The following PUDP variants were observed in gnomAD, a reference collection of about 807,000 sequenced individuals.
PUDP encodes the protein pseudouridine-5'-phosphatase.
In PUDP, 8 loss-of-function variants were observed where a neutral mutation model predicts 9.4. That is an observed-to-expected ratio of 0.85 (90% CI 0.50 to 1.53). PUDP has a LOEUF of 1.53. PUDP is among the 40% of genes most tolerant of loss of function. The probability of loss-of-function intolerance (pLI) is 0.00; values close to 1 mark genes in which losing one functional copy is unlikely to be tolerated. For synonymous variants in PUDP, 99 were observed against 80.7 expected, an observed-to-expected ratio of 1.23 and a Z score of -1.22; for missense variants, 188 against 189.7, an observed-to-expected ratio of 0.99 and a Z score of 0.05.
At chrX:6,751,710 T>C (rs1195013884) in intron 3 of PUDP, among the ~76,000 whole-genome samples, 1 of 111,484 alleles carries the variant, frequency 9.0e-6, no homozygotes, top group East Asian at 2.8e-4. Flanking sequence ...TAGGTAAATA[T>C]TTCTCCTCAC....
At chrX:6,916,246 A>ACACACACACC (rs1555916573) in intron 3 of PUDP, among the ~76,000 whole-genome samples, 9 of 71,580 alleles carry the variant, frequency 1.3e-4, no homozygotes, top group African/African-American at 6.0e-4. Flanking sequence ...ACACACACAC[A>ACACACACACC]CACCCTGGGG....
At chrX:7,021,275 G>A (rs1431602236) in intron 1 of PUDP, among the ~76,000 whole-genome samples, 2 of 112,126 alleles carry the variant, frequency 1.8e-5, no homozygotes, top group Admixed American at 9.4e-5. Flanking sequence ...CAAACTGATA[G>A]GGAAGAAAAA....
intron 3 of PUDP, among the ~76,000 whole-genome samples, chrX:6,810,215 G>A (rs1180051332): frequency 9.0e-6 from 1 of 111,629 alleles, no homozygotes; most frequent in African/African-American, 3.3e-5. Flanking sequence ...ACAAGATTTC[G>A]TTGATAGTAG....
chrX:7,117,158 A>G lies in PUDP; in HGVS notation c.62-11320T>C, dbSNP rs891594554. 90 of 985,257 alleles carry G rather than the reference A, an allele frequency of 9.1e-5. No homozygotes were observed. The African/African-American group carries it at 1.5e-3, about 16-fold the overall frequency. 81.2% of individuals were successfully genotyped at this position (985,257 alleles called of 1,213,427 possible). A position where few individuals can be genotyped will look rare whatever the true frequency, so the allele number is the denominator to read the frequency against. On this transcript the variant is annotated intron_variant, in intron 1 of 3. Transcript: ENST00000381077. Reference sequence around the variant, plus strand: ...GGTACCAGAAGTGGCGTGTTGCTACAAGGATACCTGAAAATATGGAAGTGA... The same window carrying G: ...GGTACCAGAAGTGGCGTGTTGCTACGAGGATACCTGAAAATATGGAAGTGA...
chrX:6,980,608 C>T (rs1043264416), intron 1 of PUDP, among the ~76,000 whole-genome samples: 21 of 109,204 alleles, frequency 1.9e-4, no homozygotes, highest in African/African-American at 6.7e-4. Flanking sequence ...GCATTACAGC[C>T]GGCCCTCTGT....
chrX:7,036,965 C>T (rs754115434), intron 1 of PUDP, among the ~76,000 whole-genome samples: 62 of 112,051 alleles, frequency 5.5e-4, no homozygotes, highest in Admixed American at 2.9e-3. Context: ...ACTTTGTTCA[C>T]GGTTTTTGGC....
intron 2 of PUDP, among the ~76,000 whole-genome samples, chrX:7,087,454 C>A (rs958850516): frequency 1.8e-5 from 2 of 111,927 alleles, no homozygotes; most frequent in Non-Finnish European, 3.8e-5. Context: ...AGTTAAGTTT[C>A]TGCTGCTTTA....
intron 3 of PUDP, among the ~76,000 whole-genome samples, chrX:6,821,401 G>T (rs1247631845): frequency 9.0e-6 from 1 of 111,271 alleles, no homozygotes; most frequent in Admixed American, 9.5e-5. Context: ...AATAGAGACT[G>T]CTTGGAAAGC....
intron 3 of PUDP, among the ~76,000 whole-genome samples, chrX:7,070,427 G>A (rs1380618249): frequency 9.0e-6 from 1 of 110,871 alleles, no homozygotes; most frequent in Admixed American, 9.6e-5. Flanking sequence ...ACAGAGGGTG[G>A]CAAACAATGG....
At chrX:6,746,756 T>C (rs766649814) in intron 3 of PUDP, among the ~76,000 whole-genome samples, 120 of 111,666 alleles carry the variant, frequency 1.1e-3, no homozygotes, top group African/African-American at 3.9e-3. Context: ...CTCATTCTTT[T>C]TATGGCTATA....
intron 3 of PUDP, among the ~76,000 whole-genome samples, chrX:6,752,762 G>T (rs754886301): frequency 3.6e-5 from 4 of 110,982 alleles, no homozygotes; most frequent in Non-Finnish European, 7.6e-5. Context: ...GAAACTGAAG[G>T]AGAAACTAGG....
chrX:6,952,742 C>T (rs924081943), intron 3 of PUDP, among the ~76,000 whole-genome samples: 2 of 111,217 alleles, frequency 1.8e-5, no homozygotes, highest in Non-Finnish European at 3.8e-5. Context: ...GCTGTTCCCC[C>T]CTTTTGCCCT....
rs1039551551 is a variant in PUDP, at chrX:6,746,384, G to A, written c.*248-39918C>T. On this transcript the variant is annotated intron_variant and NMD_transcript_variant, in intron 3 of 3. Coordinates refer to the PUDP transcript ENST00000655425. ...AGAGACTGGGCACTATATTTGATTTGCCATTTTCTTTTTTACACAACATTC... is the reference window on the plus strand; with the variant it reads ...AGAGACTGGGCACTATATTTGATTTACCATTTTCTTTTTTACACAACATTC... 1.5e-4 allele frequency among the ~76,000 whole-genome samples: 17 copies of A among 112,064 alleles called. 1 individual carries two copies.
chrX:6,975,468 C>T (rs1402678767), intron 3 of PUDP, among the ~76,000 whole-genome samples: 1 of 111,030 alleles, frequency 9.0e-6, no homozygotes, highest in Admixed American at 9.6e-5. Flanking sequence ...CAGTCAGGCC[C>T]CTCTGCTGCA....
At chrX:7,094,300 T>C (rs991872211) in intron 2 of PUDP, among the ~76,000 whole-genome samples, 3 of 110,498 alleles carry the variant, frequency 2.7e-5, no homozygotes, top group African/African-American at 9.9e-5. Context: ...CCTATGAAAG[T>C]CACTATATTC....
At chrX:6,992,977 A>T (rs1292460082) in intron 1 of PUDP, among the ~76,000 whole-genome samples, 1 of 111,492 alleles carries the variant, frequency 9.0e-6, no homozygotes, top group South Asian at 3.8e-4. Flanking sequence ...TCAGACTCCA[A>T]GTTCTTCAGT....
At chrX:6,891,902 C>A (rs1182625671) in intron 3 of PUDP, among the ~76,000 whole-genome samples, 2 of 111,687 alleles carry the variant, frequency 1.8e-5, no homozygotes, top group Non-Finnish European at 3.8e-5. Flanking sequence ...CTTTCTCAAC[C>A]AAGTCAACTT....
At chrX:7,126,453 G>A (rs1036488945) in intron 1 of PUDP, among the ~76,000 whole-genome samples, 7 of 111,857 alleles carry the variant, frequency 6.3e-5, no homozygotes, top group Admixed American at 3.8e-4. Context: ...TGCTAGGGCC[G>A]CCATCACAAA....
intron 2 of PUDP, among the ~76,000 whole-genome samples, chrX:7,102,349 G>C (rs1931763180): frequency 9.9e-6 from 1 of 100,596 alleles, no homozygotes; most frequent in Non-Finnish European, 2.0e-5. Context: ...AACCGCAATT[G>C]ATGCAGAAAG....
Sources: gnomAD v4.1 joint callset for allele counts (sites outside exome capture counted in the v4.1 genomes callset) on GRCh38, gnomAD v4.1.1 for gene constraint, MANE v1.5 for transcripts, NCBI Gene and HGNC (gene_info 2026-07-23, HGNC 2026-07-21) for gene names.